RBFOX1: variants seen among roughly 807,000 people sequenced by gnomAD.
RBFOX1 encodes the protein RNA binding protein fox-1 homolog 1.
A neutral mutation model predicts 57.7 loss-of-function variants in RBFOX1; 8 were observed. That is an observed-to-expected ratio of 0.14 (90% CI 0.08 to 0.25). The LOEUF (loss-of-function observed/expected upper bound fraction) is 0.25, where lower values mean the gene tolerates loss of function less well. Among genes scored for constraint, RBFOX1 ranks in the 10% least tolerant of loss-of-function variants. The pLI is 1.00. For missense variants in RBFOX1, 611 were observed against 548.5 expected (o/e 1.11, Z -1.14); for synonymous variants, 326 against 222.4 (o/e 1.47, Z -4.15).
chr16:7,146,566 C>T (rs2075020173), intron 4 of RBFOX1, among the ~76,000 whole-genome samples: 1 of 152,096 alleles, frequency 6.6e-6, no homozygotes, highest in African/African-American at 2.4e-5. Flanking sequence ...TCTTGGGTTT[C>T]TCATTGAAAC....
At chr16:7,182,314 C>T (rs979732798) in intron 4 of RBFOX1, among the ~76,000 whole-genome samples, 1 of 151,888 alleles carries the variant, frequency 6.6e-6, no homozygotes, top group Non-Finnish European at 1.5e-5. Context: ...CACCTGCCCC[C>T]CTGCAAAAAA....
intron 3 of RBFOX1, among the ~76,000 whole-genome samples, chr16:5,639,923 C>T (rs1277466148): frequency 2.6e-5 from 4 of 152,200 alleles, no homozygotes; most frequent in African/African-American, 9.7e-5. Context: ...TTGTGCTAAC[C>T]AGGCAAGCTG....
At chr16:7,155,969 C>G (rs1293177812) in intron 4 of RBFOX1, among the ~76,000 whole-genome samples, 1 of 151,480 alleles carries the variant, frequency 6.6e-6, no homozygotes, top group Non-Finnish European at 1.5e-5. Context: ...GCCAAAATAA[C>G]TATGTAATAT....
At chr16:5,612,664 G>C (rs1422357942) in intron 3 of RBFOX1, among the ~76,000 whole-genome samples, 1 of 152,230 alleles carries the variant, frequency 6.6e-6, no homozygotes, top group East Asian at 1.9e-4. Context: ...GAGCATTCTA[G>C]ACAGAGGAAA....
intron 2 of RBFOX1, among the ~76,000 whole-genome samples, chr16:5,480,005 C>A (rs1375492541): frequency 1.3e-5 from 2 of 152,206 alleles, no homozygotes; most frequent in East Asian, 3.9e-4. Flanking sequence ...TTCCTCCTTG[C>A]CTACAGGCCT....
At chr16:7,221,657 G>A (rs2092741821) in intron 4 of RBFOX1, among the ~76,000 whole-genome samples, 1 of 152,178 alleles carries the variant, frequency 6.6e-6, no homozygotes, top group Non-Finnish European at 1.5e-5. Context: ...GTGAGCCACT[G>A]CACCTGCCGT....
chr16:6,851,457 CAAA>C (rs1436922667), intron 3 of RBFOX1, among the ~76,000 whole-genome samples: 2 of 152,120 alleles, frequency 1.3e-5, no homozygotes, highest in African/African-American at 2.4e-5. Flanking sequence ...ACAGTTATCT[CAAA>C]AAGTTTAATT....
chr16:7,538,763 C>G (rs1410288909), intron 5 of RBFOX1, among the ~76,000 whole-genome samples: 1 of 152,046 alleles, frequency 6.6e-6, no homozygotes, highest in Non-Finnish European at 1.5e-5. Flanking sequence ...GTACATATAC[C>G]ACTTGGAACT....
chr16:6,821,222 C>G (rs1294529888), intron 3 of RBFOX1, among the ~76,000 whole-genome samples: 3 of 152,174 alleles, frequency 2.0e-5, no homozygotes, highest in African/African-American at 7.2e-5. Context: ...GGCCTCTACC[C>G]TTGTAGCTGT....
intron 2 of RBFOX1, among the ~76,000 whole-genome samples, chr16:5,583,142 C>G (rs2046728294): frequency 6.6e-6 from 1 of 152,142 alleles, no homozygotes; most frequent in Non-Finnish European, 1.5e-5. Flanking sequence ...CAAATACATT[C>G]AAACAAAAAA....
intron 14 of RBFOX1, among the ~76,000 whole-genome samples, chr16:7,677,158 C>T (rs2073565605): frequency 6.6e-6 from 1 of 151,632 alleles, no homozygotes; most frequent in Non-Finnish European, 1.5e-5. Context: ...CACACACACA[C>T]ACCGTACAAC....
intron 3 of RBFOX1, among the ~76,000 whole-genome samples, chr16:6,996,391 ATG>A (rs758505750): frequency 1.3e-5 from 2 of 152,092 alleles, no homozygotes; most frequent in Non-Finnish European, 2.9e-5. Flanking sequence ...ATAAACATGT[ATG>A]TGTGTGCATG....
At chr16:7,194,419 T>C (rs1203588464) in intron 4 of RBFOX1, among the ~76,000 whole-genome samples, 1 of 152,210 alleles carries the variant, frequency 6.6e-6, no homozygotes, top group Non-Finnish European at 1.5e-5. Flanking sequence ...GCTGACAATT[T>C]ATGATTATGG....
intron 4 of RBFOX1, among the ~76,000 whole-genome samples, chr16:7,261,632 C>G (rs1164121559): frequency 6.6e-6 from 1 of 152,192 alleles, no homozygotes; most frequent in African/African-American, 2.4e-5. Context: ...AACTCAGGCT[C>G]TGTAGGCTCT....
chr16:7,480,439 T>G (rs1195049920), intron 4 of RBFOX1, among the ~76,000 whole-genome samples: 1 of 152,236 alleles, frequency 6.6e-6, no homozygotes, highest in African/African-American at 2.4e-5. Flanking sequence ...AATGAGAAAG[T>G]GAATGCAATA....
chr16:5,363,308 G>A (rs1458011775), intron 1 of RBFOX1, among the ~76,000 whole-genome samples: 1 of 151,884 alleles, frequency 6.6e-6, no homozygotes, highest in Non-Finnish European at 1.5e-5. Context: ...GTCTCCCAAA[G>A]TGGTGGGATT....
chr16:7,445,742 C>T (rs1252984468), intron 4 of RBFOX1, among the ~76,000 whole-genome samples: 1 of 152,094 alleles, frequency 6.6e-6, no homozygotes, highest in South Asian at 2.1e-4. Flanking sequence ...TTTGTTTTGT[C>T]TTTTCACGCG....
chr16:6,399,031 T>C (rs559653523), intron 2 of RBFOX1, among the ~76,000 whole-genome samples: 1 of 152,316 alleles, frequency 6.6e-6, no homozygotes, highest in Non-Finnish European at 1.5e-5. Flanking sequence ...TTCCCAAACC[T>C]CAATGCTTGT....
intron 3 of RBFOX1, among the ~76,000 whole-genome samples, chr16:6,934,285 C>T (rs1279299259): frequency 6.6e-6 from 1 of 152,138 alleles, no homozygotes; most frequent in East Asian, 1.9e-4. Context: ...AGTTGCTGCG[C>T]TTGGGATTTT....
Sources: allele counts gnomAD v4.1 joint callset (sites outside exome capture counted in the v4.1 genomes callset), GRCh38; gene constraint gnomAD v4.1.1; transcripts MANE v1.5; gene names NCBI Gene and HGNC (gene_info 2026-07-23, HGNC 2026-07-21).